Variants in RPS6KC1 observed in about 807,000 individuals in gnomAD.
RPS6KC1 encodes ribosomal protein S6 kinase C1, also known as inactive ribosomal protein S6 kinase delta-1.
Under a neutral mutation model 103.8 loss-of-function variants are expected in RPS6KC1, and 54 were observed. The ratio of observed to expected loss-of-function variants is 0.52; its 90% CI spans 0.42 to 0.65. RPS6KC1 has a LOEUF of 0.65. RPS6KC1 is among the 30% of genes least tolerant of loss of function. The pLI, the probability that RPS6KC1 is intolerant of heterozygous loss-of-function variation, is 0.00. For missense variants in RPS6KC1, 1,151 were observed against 1,253.8 expected (o/e 0.92, Z 1.24); for synonymous variants, 439 against 438.7 (o/e 1.00, Z -0.01).
At chr1:213,750,471 G>A in the RPS6KC1 span, among the ~76,000 whole-genome samples, 2 of 152,346 alleles carry the variant, frequency 1.3e-5, no homozygotes, top group African/African-American at 4.8e-5. Flanking sequence ...GGGACGTTGG[G>A]AGGTTATTGT....
the RPS6KC1 span, among the ~76,000 whole-genome samples, chr1:213,851,753 C>G: frequency 6.6e-6 from 1 of 152,048 alleles, no homozygotes; most frequent in Non-Finnish European, 1.5e-5. Flanking sequence ...CAAATCTGCC[C>G]TTCTACCAAC....
chr1:213,492,733 C>A, the RPS6KC1 span, among the ~76,000 whole-genome samples: 4 of 152,192 alleles, frequency 2.6e-5, no homozygotes, highest in Non-Finnish European at 5.9e-5. Flanking sequence ...TGTGAGCTCT[C>A]GCTCCTTCTT....
the RPS6KC1 span, among the ~76,000 whole-genome samples, chr1:213,745,446 A>T: frequency 6.6e-6 from 1 of 151,804 alleles, no homozygotes; most frequent in African/African-American, 2.4e-5. Context: ...AACACTTTCA[A>T]TTTAGAGGGG....
At chr1:213,375,933 C>T in the RPS6KC1 span, among the ~76,000 whole-genome samples, 1 of 152,240 alleles carries the variant, frequency 6.6e-6, no homozygotes, top group Non-Finnish European at 1.5e-5. Context: ...ATCGTTTCTG[C>T]TGCTGGAAAG....
intron 2 of RPS6KC1, among the ~76,000 whole-genome samples, chr1:213,074,969 C>T (rs539449514): frequency 6.8e-4 from 102 of 149,802 alleles, no homozygotes; most frequent in Non-Finnish European, 1.4e-3. Flanking sequence ...TCTCCTGCCT[C>T]AGCCTCCCTA....
At chr1:213,743,739 G>A in the RPS6KC1 span, among the ~76,000 whole-genome samples, 2 of 152,150 alleles carry the variant, frequency 1.3e-5, no homozygotes, top group Non-Finnish European at 2.9e-5. Flanking sequence ...TATGCCGCTG[G>A]GAGAGGTGCT....
At chr1:213,765,905 CA>C in the RPS6KC1 span, among the ~76,000 whole-genome samples, 1 of 152,038 alleles carries the variant, frequency 6.6e-6, no homozygotes, top group Non-Finnish European at 1.5e-5. Context: ...TAATTTAAAC[CA>C]AGTGATGATG....
At chr1:213,239,641 A>G (rs2094305884) in intron 10 of RPS6KC1, among the ~76,000 whole-genome samples, 1 of 152,190 alleles carries the variant, frequency 6.6e-6, no homozygotes. Flanking sequence ...TACAATAAAT[A>G]TGTGCTGAAA....
At chr1:213,807,741 G>T in the RPS6KC1 span, among the ~76,000 whole-genome samples, 1 of 151,960 alleles carries the variant, frequency 6.6e-6, no homozygotes, top group African/African-American at 2.4e-5. Context: ...CCTGTAGCTC[G>T]TAGTTTGATT....
the RPS6KC1 span, among the ~76,000 whole-genome samples, chr1:213,584,491 T>A: frequency 6.6e-6 from 1 of 152,228 alleles, no homozygotes; most frequent in African/African-American, 2.4e-5. Context: ...TCCAGCTGTT[T>A]CTATATCACC....
intron 14 of RPS6KC1, among the ~76,000 whole-genome samples, chr1:213,268,596 T>A (rs191063175): frequency 6.7e-6 from 1 of 148,156 alleles, no homozygotes; most frequent in Admixed American, 6.7e-5. Context: ...AAATATATAT[T>A]TTTTATTTAA....
the RPS6KC1 span, among the ~76,000 whole-genome samples, chr1:213,432,543 T>C: frequency 6.6e-6 from 1 of 152,166 alleles, no homozygotes; most frequent in East Asian, 1.9e-4. Flanking sequence ...TATACACCTG[T>C]GGAACCATTT....
At chr1:213,087,047 T>C (rs983128363) in intron 3 of RPS6KC1, among the ~76,000 whole-genome samples, 8 of 152,196 alleles carry the variant, frequency 5.3e-5, no homozygotes, top group Non-Finnish European at 1.2e-4. Flanking sequence ...AAAAAAAGTT[T>C]AAAAAATAAT....
intron 8 of RPS6KC1, among the ~76,000 whole-genome samples, chr1:213,215,389 A>T (rs577323298): frequency 1.3e-5 from 2 of 152,350 alleles, no homozygotes; most frequent in Middle Eastern, 6.8e-3. Context: ...GAAAAGACCA[A>T]ATGTACGTCT....
chr1:213,662,575 G>T, the RPS6KC1 span, among the ~76,000 whole-genome samples: 1 of 151,976 alleles, frequency 6.6e-6, no homozygotes, highest in Non-Finnish European at 1.5e-5. Context: ...ACTGCACCCG[G>T]CCCAGAGTTA....
At chr1:213,064,713 T>C (rs2078155101) in intron 1 of RPS6KC1, among the ~76,000 whole-genome samples, 1 of 138,402 alleles carries the variant, frequency 7.2e-6, no homozygotes, top group Admixed American at 7.4e-5. Context: ...AGTCTTGCTC[T>C]ATTGCCCAGG....
At chr1:213,628,388 A>AT in the RPS6KC1 span, among the ~76,000 whole-genome samples, 1 of 151,916 alleles carries the variant, frequency 6.6e-6, no homozygotes, top group Non-Finnish European at 1.5e-5. Context: ...GGATTTATGG[A>AT]TTTTTTGAAG....
At chr1:213,706,988 G>T in the RPS6KC1 span, among the ~76,000 whole-genome samples, 1 of 152,114 alleles carries the variant, frequency 6.6e-6, no homozygotes, top group Non-Finnish European at 1.5e-5. Context: ...TTGCTGTTGT[G>T]AATAGTGCTG....
chr1:213,251,493 G>C (rs9429901), intron 12 of RPS6KC1, among the ~76,000 whole-genome samples: 2 of 152,038 alleles, frequency 1.3e-5, no homozygotes. Flanking sequence ...TGCATGGGGA[G>C]CACTGGAAGG....
Sources: allele counts gnomAD v4.1 joint callset (sites outside exome capture counted in the v4.1 genomes callset), GRCh38; gene constraint gnomAD v4.1.1; transcripts MANE v1.5; gene names NCBI Gene and HGNC (gene_info 2026-07-23, HGNC 2026-07-21).